Variants in TBL1X observed in about 807,000 individuals in gnomAD.
TBL1X encodes transducin beta like 1 X-linked.
TBL1X carries 10 observed loss-of-function variants against 50.7 expected under a neutral mutation model. The ratio of observed to expected loss-of-function variants is 0.20; its 90% CI spans 0.12 to 0.33. The LOEUF (loss-of-function observed/expected upper bound fraction) is 0.33. TBL1X is among the 10% of genes least tolerant of loss of function. The probability of loss-of-function intolerance (pLI) is 1.00; values close to 1 mark genes in which losing one functional copy is unlikely to be tolerated. For synonymous variants in TBL1X, 190 were observed against 214.7 expected (o/e 0.88, Z 1.01); for missense variants, 340 against 504.4 (o/e 0.67, Z 3.12).
intron 12 of TBL1X, among the ~76,000 whole-genome samples, chrX:9,703,563 G>A (rs1364908883): frequency 4.5e-5 from 5 of 111,470 alleles, no homozygotes; most frequent in South Asian, 7.7e-4. Context: ...ACAGATGCTC[G>A]CTCCCAGCCG....
intron 2 of TBL1X, among the ~76,000 whole-genome samples, chrX:9,627,780 G>A (rs1163240809): frequency 1.8e-5 from 2 of 112,195 alleles, no homozygotes; most frequent in Non-Finnish European, 3.8e-5. Context: ...ATGAAGCCAG[G>A]ACTTGGGGTT....
chrX:9,559,519 G>A (rs898388723), intron 2 of TBL1X, among the ~76,000 whole-genome samples: 1 of 111,718 alleles, frequency 9.0e-6, no homozygotes, highest in Admixed American at 9.6e-5. Context: ...TCTATCAAAA[G>A]CAGCTGGTGC....
intron 2 of TBL1X, among the ~76,000 whole-genome samples, chrX:9,563,467 A>G (rs1357278775): frequency 1.8e-5 from 2 of 112,789 alleles, no homozygotes; most frequent in Non-Finnish European, 3.7e-5. Flanking sequence ...TTTGGAAATT[A>G]TACTCAATTT....
At chrX:9,649,050 C>T (rs2082820104) in intron 3 of TBL1X, among the ~76,000 whole-genome samples, 1 of 111,531 alleles carries the variant, frequency 9.0e-6, no homozygotes, top group Non-Finnish European at 1.9e-5. Context: ...GAGATAAGCG[C>T]AGCTAAACGC....
chrX:9,630,011 C>A (rs1183250958), intron 2 of TBL1X, among the ~76,000 whole-genome samples: 1 of 110,592 alleles, frequency 9.0e-6, no homozygotes, highest in Non-Finnish European at 1.9e-5. Context: ...CCATGACTTC[C>A]CGGTGTTATC....
intron 1 of TBL1X, among the ~76,000 whole-genome samples, chrX:9,480,618 T>C (rs960306017): frequency 9.0e-6 from 1 of 111,500 alleles, no homozygotes; most frequent in Non-Finnish European, 1.9e-5. Context: ...TGAGTGAAGA[T>C]TTTTGCCTTT....
intron 2 of TBL1X, among the ~76,000 whole-genome samples, chrX:9,517,314 G>C (rs896495440): frequency 2.7e-5 from 3 of 111,248 alleles, no homozygotes; most frequent in Admixed American, 9.6e-5. Flanking sequence ...CCATACACCT[G>C]TGCATTCTCA....
intron 2 of TBL1X, among the ~76,000 whole-genome samples, chrX:9,589,595 G>A (rs1317912004): frequency 9.0e-6 from 1 of 111,209 alleles, no homozygotes; most frequent in Non-Finnish European, 1.9e-5. Flanking sequence ...TAAGCATTGC[G>A]CTTGCTGTTG....
chrX:9,568,117 A>G (rs772603353), intron 2 of TBL1X, among the ~76,000 whole-genome samples: 1 of 112,026 alleles, frequency 8.9e-6, no homozygotes, highest in South Asian at 3.7e-4. Context: ...TCCCTGTTAC[A>G]GCCTGGAAGT....
intron 2 of TBL1X, among the ~76,000 whole-genome samples, chrX:9,631,620 T>A (rs2082722086): frequency 1.8e-5 from 2 of 112,769 alleles, no homozygotes; most frequent in African/African-American, 6.4e-5. Flanking sequence ...ACAATGTGCT[T>A]TCATTCTCCT....
At chrX:9,579,510 C>G (rs2082429061) in intron 2 of TBL1X, among the ~76,000 whole-genome samples, 3 of 112,017 alleles carry the variant, frequency 2.7e-5, no homozygotes, top group Non-Finnish European at 5.6e-5. Flanking sequence ...GATTCAAAAG[C>G]ATGCCCTGTT....
rs777389856 is a variant in TBL1X at position 9,688,151 on chromosome X, G to GGCGGCT, written c.498_503dup (p.Ala167_Ala168dup). ...AGCAGCAAGCCAGTGCGGCGGCGGC[G>GGCGGCT]GCGGCTGCGGCCACGGCAGCAGCGA... On this transcript the variant is annotated inframe_insertion, in exon 7 of 18. Coordinates refer to ENST00000645353, the MANE Select transcript of TBL1X (RefSeq NM_005647.4). The GGCGGCT allele has an allele frequency of 8.4e-6, 10 of 1,196,953 alleles. No individual in the cohort carries two copies. The highest frequency in any genetic ancestry group is 1.8e-5 in the South Asian group (1 of 55,334).
intron 5 of TBL1X, among the ~76,000 whole-genome samples, chrX:9,672,554 A>G (rs2082966395): frequency 9.1e-6 from 1 of 110,446 alleles, no homozygotes; most frequent in Admixed American, 9.6e-5. Flanking sequence ...ACCCTCCCAC[A>G]TCTGTGCCTG....
chrX:9,555,483 A>G (rs2082292458), intron 2 of TBL1X, among the ~76,000 whole-genome samples: 1 of 111,786 alleles, frequency 8.9e-6, no homozygotes, highest in Non-Finnish European at 1.9e-5. Context: ...TTTTGCTGTT[A>G]TAAATAAAGC....
intron 1 of TBL1X, among the ~76,000 whole-genome samples, chrX:9,492,849 GTGTGTGTGT>G (rs2081951773): frequency 3.5e-5 from 1 of 28,450 alleles, no homozygotes; most frequent in Non-Finnish European, 6.5e-5. Context: ...GTGTGTGTGT[GTGTGTGTGT>G]GTGTGTGTGT....
Position 9,684,094 on chromosome X carries a change from C to A in TBL1X, c.263C>A (p.Ser88Tyr), listed in dbSNP as rs751263233. The A allele has an allele frequency of 8.3e-6, 10 of 1,211,851 alleles. No individual in the cohort carries two copies. Among genetic ancestry groups the A allele is most frequent in the Non-Finnish European group, 6.7e-6 (6 of 895,570 alleles). ...GGGATTGAGAGCCACATCAGCCAGT[C>A]CAACATCAATGGGACGCTAGTGCCA... ...TFGIESHISQ[S>Y]NINGTLVPPA... The change falls in exon 6 of 18, where the codon TCC (serine) becomes TAC (tyrosine). Residue 88 changes from serine (S) to tyrosine (Y), a missense_variant. Coordinates refer to ENST00000645353, the MANE Select transcript of TBL1X (RefSeq NM_005647.4).
chrX:9,532,853 G>A (rs1287384609), intron 2 of TBL1X, among the ~76,000 whole-genome samples: 1 of 111,344 alleles, frequency 9.0e-6, no homozygotes, highest in Non-Finnish European at 1.9e-5. Context: ...CAAATGAACA[G>A]TCACATTCTG....
chrX:9,501,524 C>G lies in TBL1X; in HGVS notation c.-200-256C>G, dbSNP rs3747432. Among the ~76,000 whole-genome samples, 302 of 110,997 alleles carry G rather than the reference C, an allele frequency of 2.7e-3. 6 individuals are homozygous for G. Among genetic ancestry groups the G allele is most frequent in the Admixed American group, 0.024 (250 of 10,437 alleles). ...ACCTGTGAGGACCCCTGGGGGCTGCCTTCTCCACTGTTGCAGTTCAGGGAG... is the reference window on the plus strand; with the variant it reads ...ACCTGTGAGGACCCCTGGGGGCTGCGTTCTCCACTGTTGCAGTTCAGGGAG... On this transcript the variant is annotated intron_variant, in intron 1 of 17. Coordinates refer to ENST00000645353, the MANE Select transcript of TBL1X (RefSeq NM_005647.4).
intron 2 of TBL1X, among the ~76,000 whole-genome samples, chrX:9,544,730 T>A (rs1258225750): frequency 3.6e-5 from 4 of 109,708 alleles, no homozygotes; most frequent in Admixed American, 9.7e-5. Flanking sequence ...GCCCAGCTAA[T>A]TTTTTTGTAA....
Sources: allele counts gnomAD v4.1 joint callset (sites outside exome capture counted in the v4.1 genomes callset), GRCh38; gene constraint gnomAD v4.1.1; transcripts MANE v1.5; gene names NCBI Gene and HGNC (gene_info 2026-07-23, HGNC 2026-07-21).